Variants in TRIM44 observed in about 807,000 individuals in gnomAD.
TRIM44 encodes the protein tripartite motif-containing protein 44.
In TRIM44, 13 loss-of-function variants were observed where a neutral mutation model predicts 37.4. The ratio of observed to expected loss-of-function variants is 0.35; its 90% CI spans 0.23 to 0.55. The LOEUF (loss-of-function observed/expected upper bound fraction) is 0.55. Among genes scored for constraint, TRIM44 ranks in the 20% least tolerant of loss-of-function variants. The pLI is 0.89. For missense variants in TRIM44, 426 were observed against 437.2 expected (o/e 0.97, Z 0.23); for synonymous variants, 175 against 157.2 (o/e 1.11, Z -0.85).
intron 2 of TRIM44, among the ~76,000 whole-genome samples, chr11:35,706,685 A>C (rs1851888303): frequency 6.6e-6 from 1 of 152,174 alleles, no homozygotes; most frequent in South Asian, 2.1e-4. Context: ...CAATAGATGC[A>C]GAAAAGGCCT....
intron 2 of TRIM44, among the ~76,000 whole-genome samples, chr11:35,724,815 C>T (rs1564979154): frequency 1.3e-5 from 2 of 152,110 alleles, no homozygotes; most frequent in Admixed American, 6.5e-5. Context: ...AAAATGCTTA[C>T]TTTCATATGT....
chr11:35,675,073 G>A (rs1446299924), intron 1 of TRIM44, among the ~76,000 whole-genome samples: 1 of 152,132 alleles, frequency 6.6e-6, no homozygotes, highest in African/African-American at 2.4e-5. Flanking sequence ...TTCTTTCCAT[G>A]TCTTTCCCTG....
chr11:35,711,403 A>G (rs1189121016), intron 2 of TRIM44, among the ~76,000 whole-genome samples: 1 of 151,886 alleles, frequency 6.6e-6, no homozygotes, highest in East Asian at 1.9e-4. Context: ...GAATTGCCCT[A>G]TCAGCTCAAT....
At chr11:35,792,615 C>CA (rs1490513784) in intron 4 of TRIM44, among the ~76,000 whole-genome samples, 23 of 152,194 alleles carry the variant, frequency 1.5e-4, no homozygotes, top group African/African-American at 5.5e-4. Flanking sequence ...TGGGCCAAAG[C>CA]AAGTTATGAG....
Position 35,720,518 on chromosome 11 carries a change from A to T in TRIM44, c.748-5406A>T, listed in dbSNP as rs143168922. On this transcript the variant is annotated intron_variant, in intron 2 of 4. Transcript: ENST00000299413. Reference sequence around the variant, plus strand: ...TTTTATTTCTTCTTTCCCAATCTGTATACCTTTTATTTCCTTTTCTTGACT... The same window carrying T: ...TTTTATTTCTTCTTTCCCAATCTGTTTACCTTTTATTTCCTTTTCTTGACT... Among the ~76,000 whole-genome samples the T allele has an allele frequency of 4.5e-3, 681 of 150,318 alleles. 7 individuals are homozygous for T. Among genetic ancestry groups the T allele is most frequent in the African/African-American group, 0.016 (643 of 40,826 alleles).
chr11:35,759,573 G>A (rs989344907), intron 4 of TRIM44, among the ~76,000 whole-genome samples: 7 of 152,144 alleles, frequency 4.6e-5, no homozygotes, highest in African/African-American at 1.4e-4. Context: ...GATGAGAGGC[G>A]CTCTGATTTT....
chr11:35,735,413 G>A lies in TRIM44; in HGVS notation c.988-13G>A. 6.2e-7 allele frequency: 1 copy of A among 1,613,546 alleles called. No individual in the cohort carries two copies. The highest frequency in any genetic ancestry group is 1.7e-4 in the Middle Eastern group (1 of 6,054). On this transcript the variant is annotated splice_polypyrimidine_tract_variant and intron_variant, in intron 3 of 4. Transcript: ENST00000299413. ...GTGATTTCTAATACTGTTTCTTTCT[G>A]TTTGTCTTTCAGGGCGATGAGGAAG...
chr11:35,785,246 C>T (rs961228944), intron 4 of TRIM44, among the ~76,000 whole-genome samples: 1 of 152,222 alleles, frequency 6.6e-6, no homozygotes, highest in South Asian at 2.1e-4. Context: ...TAAAAGAAAA[C>T]AGCAAGCGGC....
chr11:35,753,030 G>A (rs1051696740), intron 4 of TRIM44, among the ~76,000 whole-genome samples: 1 of 152,086 alleles, frequency 6.6e-6, no homozygotes, highest in Non-Finnish European at 1.5e-5. Flanking sequence ...TATACAAATC[G>A]CTTTGCAAAC....
At chr11:35,688,760 C>A (rs1276770056) in intron 2 of TRIM44, among the ~76,000 whole-genome samples, 1 of 152,170 alleles carries the variant, frequency 6.6e-6, no homozygotes, top group Non-Finnish European at 1.5e-5. Context: ...GTGCTGTGCC[C>A]ACCTCCAGAG....
intron 2 of TRIM44, among the ~76,000 whole-genome samples, chr11:35,685,804 C>T (rs1188688684): frequency 2.0e-5 from 3 of 152,188 alleles, no homozygotes; most frequent in East Asian, 3.9e-4. Flanking sequence ...GCTGGGATTA[C>T]AGGCCTGCGC....
chr11:35,791,411 G>A (rs938154770), intron 4 of TRIM44, among the ~76,000 whole-genome samples: 1 of 152,148 alleles, frequency 6.6e-6, no homozygotes, highest in Non-Finnish European at 1.5e-5. Flanking sequence ...TGAAGTGCTG[G>A]CAATGTGGTA....
Position 35,726,166 on chromosome 11 carries a change from A to C in TRIM44, c.987+3A>C. ...AATCAGCTGAGCCAAAGGCAGAGGT[A>C]AAGGAAAAGCCCATAATTATTAGTA... On this transcript the variant is annotated splice_donor_region_variant and intron_variant, in intron 3 of 4. Coordinates refer to ENST00000299413, the MANE Select transcript of TRIM44 (RefSeq NM_017583.6). The C allele has an allele frequency of 6.2e-7, 1 of 1,613,344 alleles. No homozygotes were observed. The highest frequency in any genetic ancestry group is 8.5e-7 in the Non-Finnish European group (1 of 1,179,534).
rs538374995 is a variant in TRIM44 at position 35,816,491 on chromosome 11, T to G, written c.*10106T>G. 2.4e-4 allele frequency: 37 copies of G among 152,320 alleles called. No homozygotes were observed. Among genetic ancestry groups the G allele is most frequent in the Non-Finnish European group, 4.1e-4 (28 of 68,038 alleles). The allele number at this position is 152,320 out of a possible 1,614,324, so 9.4% of individuals were successfully genotyped here. A position where few individuals can be genotyped will look rare whatever the true frequency, so the allele number is the denominator to read the frequency against. ...ATCAGATAATACAATGTAATTGATT[T>G]TATGTGTGTAATTGGGGAACAGAAG... On this transcript the variant is annotated 3_prime_UTR_variant, in exon 5 of 5. Coordinates refer to ENST00000299413, the MANE Select transcript of TRIM44 (RefSeq NM_017583.6).
chr11:35,686,374 G>T (rs75432839), intron 2 of TRIM44, among the ~76,000 whole-genome samples: 5,096 of 132,770 alleles, frequency 0.038, 226 homozygotes, highest in East Asian at 0.12. Context: ...TTTTGTTTTT[G>T]TTTTTTTTTT....
intron 4 of TRIM44, among the ~76,000 whole-genome samples, chr11:35,796,300 G>A (rs552129590): frequency 7.2e-5 from 11 of 152,316 alleles, no homozygotes; most frequent in South Asian, 4.1e-4. Context: ...CACATACAGC[G>A]TGAATCTCTA....
chr11:35,804,019 C>G (rs972689012), intron 4 of TRIM44, among the ~76,000 whole-genome samples: 23 of 151,754 alleles, frequency 1.5e-4, no homozygotes, highest in African/African-American at 5.6e-4. Context: ...TTCCTCCCTC[C>G]CCTGAGCCTG....
At chr11:35,710,183 T>A (rs1851949961) in intron 2 of TRIM44, among the ~76,000 whole-genome samples, 1 of 152,176 alleles carries the variant, frequency 6.6e-6, no homozygotes, top group South Asian at 2.1e-4. Context: ...TTACAGTTCA[T>A]CCACAAGGAC....
rs114035154 is a variant in TRIM44, at chr11:35,684,014, A to G, written c.670-1245A>G. ...ACTAATTTAATCTTACTGCAGTCCT[A>G]TGAAATAGATAGTTATTGGCTCTAT... On this transcript the variant is annotated intron_variant, in intron 1 of 4. Transcript: ENST00000299413. Among the ~76,000 whole-genome samples, 322 of 152,278 alleles carry G rather than the reference A, an allele frequency of 2.1e-3. 1 individual carries two copies. The highest frequency in any genetic ancestry group is 7.5e-3 in the African/African-American group (310 of 41,556).
Sources: gnomAD v4.1 joint callset for allele counts (sites outside exome capture counted in the v4.1 genomes callset) on GRCh38, gnomAD v4.1.1 for gene constraint, MANE v1.5 for transcripts, NCBI Gene and HGNC (gene_info 2026-07-23, HGNC 2026-07-21) for gene names.